LYPLAL1: variants seen among roughly 807,000 people sequenced by gnomAD.
LYPLAL1 encodes lysophospholipase-like protein 1.
In LYPLAL1, 23 loss-of-function variants were observed where a neutral mutation model predicts 19.7. That is an observed-to-expected ratio of 1.17 (90% CI 0.84 to 1.65). The LOEUF is 1.65. Among genes scored for constraint, LYPLAL1 ranks in the 40% most tolerant of loss-of-function variants. LYPLAL1 has a pLI of 0.00. For synonymous variants in LYPLAL1, 119 were observed against 96.3 expected, an observed-to-expected ratio of 1.24 and a Z score of -1.38; for missense variants, 355 against 279.4, an observed-to-expected ratio of 1.27 and a Z score of -1.93.
At chr1:219,443,193 G>T in the LYPLAL1 span, among the ~76,000 whole-genome samples, 21 of 152,024 alleles carry the variant, frequency 1.4e-4, no homozygotes, top group African/African-American at 5.1e-4. Flanking sequence ...GAGGTATTTT[G>T]CAGGTACTTT....
At chr1:219,221,065 G>T in the LYPLAL1 span, among the ~76,000 whole-genome samples, 2 of 152,164 alleles carry the variant, frequency 1.3e-5, no homozygotes, top group Admixed American at 6.5e-5. Context: ...TCAACTTTTT[G>T]CAGGAATCAA....
the LYPLAL1 span, among the ~76,000 whole-genome samples, chr1:219,231,402 T>C: frequency 6.6e-6 from 1 of 152,232 alleles, no homozygotes; most frequent in Non-Finnish European, 1.5e-5. Flanking sequence ...TTCTCCGGAC[T>C]AAAAATATTT....
chr1:219,284,908 A>G, the LYPLAL1 span, among the ~76,000 whole-genome samples: 1 of 152,214 alleles, frequency 6.6e-6, no homozygotes, highest in South Asian at 2.1e-4. Context: ...TATAAAGAAA[A>G]CTAATGCATT....
the LYPLAL1 span, among the ~76,000 whole-genome samples, chr1:219,424,478 G>A: frequency 6.6e-6 from 1 of 152,142 alleles, no homozygotes; most frequent in Non-Finnish European, 1.5e-5. Context: ...AATCATAACT[G>A]GGTATATTTT....
At chr1:219,335,210 T>G in the LYPLAL1 span, among the ~76,000 whole-genome samples, 11 of 152,140 alleles carry the variant, frequency 7.2e-5, no homozygotes, top group African/African-American at 2.4e-4. Flanking sequence ...CCTGTATTTG[T>G]GTATCTTGAA....
chr1:219,238,278 C>T, the LYPLAL1 span, among the ~76,000 whole-genome samples: 1 of 148,624 alleles, frequency 6.7e-6, no homozygotes, highest in Non-Finnish European at 1.5e-5. Context: ...GCTGGGACTA[C>T]AGGCACCCGC....
chr1:219,441,740 G>GC, the LYPLAL1 span, among the ~76,000 whole-genome samples: 1 of 152,150 alleles, frequency 6.6e-6, no homozygotes, highest in Admixed American at 6.5e-5. Context: ...GACAGAGAAA[G>GC]AGCCACTGCC....
At chr1:219,301,737 G>T in the LYPLAL1 span, among the ~76,000 whole-genome samples, 2 of 150,614 alleles carry the variant, frequency 1.3e-5, no homozygotes, top group African/African-American at 4.9e-5. Context: ...ACTCTGAAAA[G>T]CTCTTCTATA....
the LYPLAL1 span, among the ~76,000 whole-genome samples, chr1:219,318,653 C>T: frequency 6.6e-6 from 1 of 152,100 alleles, no homozygotes; most frequent in East Asian, 1.9e-4. Flanking sequence ...GATTACTAGT[C>T]CTTGGAATTA....
the LYPLAL1 span, among the ~76,000 whole-genome samples, chr1:219,286,240 G>A: frequency 3.3e-5 from 5 of 152,254 alleles, no homozygotes; most frequent in African/African-American, 9.6e-5. Flanking sequence ...GGGGTTCCTA[G>A]GGCCATGAGA....
intron 3 of LYPLAL1, among the ~76,000 whole-genome samples, chr1:219,195,934 G>A (rs1000192124): frequency 3.3e-4 from 50 of 152,024 alleles, no homozygotes; most frequent in Admixed American, 2.0e-3. Flanking sequence ...GCAGTGTTTG[G>A]TTTTCTGTTC....
the LYPLAL1 span, among the ~76,000 whole-genome samples, chr1:219,286,615 A>T: frequency 6.6e-6 from 1 of 152,248 alleles, no homozygotes; most frequent in South Asian, 2.1e-4. Flanking sequence ...TCCTAGGCAC[A>T]GGCTGAGAGT....
intron 1 of LYPLAL1, chr1:219,175,008 T>A (rs1484505376): frequency 1.0e-6 from 1 of 985,336 alleles, no homozygotes; most frequent in Non-Finnish European, 1.2e-6. Flanking sequence ...AAGTGGTCTT[T>A]GAGCCGAGAC....
chr1:219,205,003 A>G (rs997757064), intron 3 of LYPLAL1, among the ~76,000 whole-genome samples: 3 of 152,166 alleles, frequency 2.0e-5, no homozygotes, highest in African/African-American at 7.2e-5. Flanking sequence ...ATTTACGTGG[A>G]TGATCTAAAT....
the LYPLAL1 span, among the ~76,000 whole-genome samples, chr1:219,393,405 CA>C: frequency 6.6e-3 from 1,002 of 152,206 alleles, 5 homozygotes; most frequent in Non-Finnish European, 0.011. Flanking sequence ...ACACAGGATC[CA>C]GATATGCCCT....
the LYPLAL1 span, among the ~76,000 whole-genome samples, chr1:219,426,053 G>A: frequency 6.6e-6 from 1 of 152,180 alleles, no homozygotes; most frequent in Non-Finnish European, 1.5e-5. Context: ...TTCACAAGAA[G>A]CTTTCAGGGC....
At position 219,174,321 on chromosome 1, in the gene LYPLAL1, A is replaced by G. The variant is rs910029491; in HGVS notation, c.91+340A>G. On this transcript the variant is annotated intron_variant, in intron 1 of 4. Coordinates refer to ENST00000366928, the MANE Select transcript of LYPLAL1 (RefSeq NM_138794.5). ...GTTAGTAAGGTAAGTCTTCTGCTAGAGGGAAATTATTTAGTGTTTTTCATT... is the reference window on the plus strand; with the variant it reads ...GTTAGTAAGGTAAGTCTTCTGCTAGGGGGAAATTATTTAGTGTTTTTCATT... The G allele has an allele frequency of 5.2e-6, 6 of 1,147,450 alleles. No individual in the cohort carries two copies. The African/African-American group carries it at 9.6e-5, about 18-fold the overall frequency. 71.1% of individuals were successfully genotyped at this position (1,147,450 alleles called of 1,614,324 possible). A position where few individuals can be genotyped will look rare whatever the true frequency, so the allele number is the denominator to read the frequency against.
At chr1:219,414,857 T>C in the LYPLAL1 span, among the ~76,000 whole-genome samples, 5 of 152,176 alleles carry the variant, frequency 3.3e-5, no homozygotes, top group African/African-American at 1.2e-4. Context: ...ACTGAGGCTA[T>C]GGTAGGCAAG....
intron 3 of LYPLAL1, among the ~76,000 whole-genome samples, chr1:219,194,225 T>G (rs148692499): frequency 6.6e-6 from 1 of 152,060 alleles, no homozygotes; most frequent in African/African-American, 2.4e-5. Flanking sequence ...TATATTTCTG[T>G]GTTTCCATGT....
Sources: gnomAD v4.1 joint callset for allele counts (sites outside exome capture counted in the v4.1 genomes callset) on GRCh38, gnomAD v4.1.1 for gene constraint, MANE v1.5 for transcripts, NCBI Gene and HGNC (gene_info 2026-07-23, HGNC 2026-07-21) for gene names.